The following TRPC6 variants were observed in gnomAD, a reference collection of about 807,000 sequenced individuals.
The protein encoded by TRPC6 is transient receptor potential cation channel subfamily C member 6.
A neutral mutation model predicts 90.7 loss-of-function variants in TRPC6; 55 were observed. That is an observed-to-expected ratio of 0.61 (90% CI 0.49 to 0.76). The LOEUF (loss-of-function observed/expected upper bound fraction) is 0.76, where lower values mean the gene tolerates loss of function less well. Ranked by LOEUF, TRPC6 falls within the 30% of genes least tolerant of loss-of-function variation. The probability of loss-of-function intolerance (pLI) is 0.00; values close to 1 mark genes in which losing one functional copy is unlikely to be tolerated. For synonymous variants in TRPC6, 393 were observed against 393.0 expected (o/e 1.00, Z 0.00); for missense variants, 989 against 1,122.7 (o/e 0.88, Z 1.70).
chr11:101,500,257 G>A (rs1860084819), intron 2 of TRPC6, among the ~76,000 whole-genome samples: 1 of 137,808 alleles, frequency 7.3e-6, no homozygotes, highest in South Asian at 2.2e-4. Flanking sequence ...TGCCCAGACT[G>A]GAGTGCGGTG....
At position 101,583,660 on chromosome 11, in the gene TRPC6, C is replaced by T. The variant is rs1862256959; in HGVS notation, c.-157G>A. 1 of 736,368 alleles carries T rather than the reference C, an allele frequency of 1.4e-6. No individual in the cohort carries two copies. Among genetic ancestry groups the T allele is most frequent in the African/African-American group, 1.9e-5 (1 of 53,460 alleles). The allele number at this position is 736,368 out of a possible 1,614,324, so 45.6% of individuals were successfully genotyped here. A position where few individuals can be genotyped will look rare whatever the true frequency, so the allele number is the denominator to read the frequency against. On this transcript the variant is annotated 5_prime_UTR_variant, in exon 1 of 13. Transcript: ENST00000344327. ...CGGTGAAGCAGGGGGTGCAGACGCCCGCCGCAAGTGGCTCGCCCACTGGCC... is the reference window on the plus strand; with the variant it reads ...CGGTGAAGCAGGGGGTGCAGACGCCTGCCGCAAGTGGCTCGCCCACTGGCC...
At chr11:101,498,446 T>A (rs11224789) in intron 2 of TRPC6, among the ~76,000 whole-genome samples, 71,321 of 151,938 alleles carry the variant, frequency 0.47, 17,237 homozygotes, top group African/African-American at 0.58. Context: ...TGCTGAGGTC[T>A]CGTGTCACCT....
chr11:101,476,356 A>G lies in TRPC6; in HGVS notation c.1689T>C (p.Thr563=). ...ATGTTACTTTCGTCAAGTCCTTCAA[A>G]GTATCATTTGCGTCAATGATGCTCT... ...KAQSIIDAND[T]LKDLTKVTLG... is the part of the protein sequence containing the mutation. Residue 563 remains threonine, a synonymous_variant, in exon 6 of 13, where the codon ACT becomes ACC. Coordinates refer to ENST00000344327, the MANE Select transcript of TRPC6 (RefSeq NM_004621.6). 6.2e-7 allele frequency: 1 copy of G among 1,614,120 alleles called. No homozygotes were observed. The highest frequency in any genetic ancestry group is 8.5e-7 in the Non-Finnish European group (1 of 1,180,000).
Position 101,558,456 on chromosome 11 carries a change from CACAT to C in TRPC6, c.170+24874_170+24877del, listed in dbSNP as rs1215685680. Among the ~76,000 whole-genome samples the C allele has an allele frequency of 8.2e-4, 13 of 15,874 alleles. 1 individual carries two copies. The highest frequency in any genetic ancestry group is 1.9e-3 in the Non-Finnish European group (13 of 6,796). 10.4% of individuals were successfully genotyped at this position (15,874 alleles called of 152,430 possible). On this transcript the variant is annotated intron_variant, in intron 1 of 12. Transcript: ENST00000344327. ...ATATATACATATATATACACACGCA[CACAT>C]ACACACACACACACACACACACACA... is the stretch of plus-strand genomic sequence containing the variant.
chr11:101,555,814 C>G (rs149684341), intron 1 of TRPC6, among the ~76,000 whole-genome samples: 361 of 152,140 alleles, frequency 2.4e-3, no homozygotes, highest in African/African-American at 8.0e-3. Flanking sequence ...ACTTGAAGAA[C>G]AGTGCACACA....
In TRPC6 at chr11:101,583,474, C is replaced by G. The variant is rs1327783855; in HGVS notation, c.30G>C (p.Arg10=). 2 of 1,516,410 alleles carry G rather than the reference C, an allele frequency of 1.3e-6. No homozygotes were observed. Among genetic ancestry groups the G allele is most frequent in the Admixed American group, 2.0e-5 (1 of 48,872 alleles). The allele number at this position is 1,516,410 out of a possible 1,614,324, so 93.9% of individuals were successfully genotyped here. The change falls in exon 1 of 13, where the codon CGG becomes CGC. Residue 10 remains arginine, a synonymous_variant. Coordinates refer to ENST00000344327, the MANE Select transcript of TRPC6 (RefSeq NM_004621.6). The stretch of plus-strand genomic sequence containing the variant: ...CAGCGCCCCGGGGAGAACTGCCCCT[C>G]CGGGGCCCGAACGCCGGGCTCTGGC... MSQSPAFGP[R]RGSSPRGAAG...
chr11:101,467,826 G>A (rs1859186390), intron 10 of TRPC6, among the ~76,000 whole-genome samples: 1 of 152,122 alleles, frequency 6.6e-6, no homozygotes, highest in African/African-American at 2.4e-5. Context: ...AAGACTAAAT[G>A]TGGCCTGAGG....
chr11:101,508,249 G>A (rs746029674), intron 1 of TRPC6, among the ~76,000 whole-genome samples: 2 of 151,892 alleles, frequency 1.3e-5, no homozygotes, highest in African/African-American at 2.4e-5. Flanking sequence ...ATTTTTCCTC[G>A]TATAGCTAGT....
intron 1 of TRPC6, among the ~76,000 whole-genome samples, chr11:101,525,710 G>A (rs1486058756): frequency 6.6e-6 from 1 of 152,216 alleles, no homozygotes; most frequent in Non-Finnish European, 1.5e-5. Flanking sequence ...AAGATGGAGG[G>A]AAAGGGCAGC....
chr11:101,497,140 G>A (rs569422228), intron 2 of TRPC6, among the ~76,000 whole-genome samples: 1 of 152,176 alleles, frequency 6.6e-6, no homozygotes, highest in Non-Finnish European at 1.5e-5. Flanking sequence ...ATATGATCTT[G>A]AAAAGGTTAT....
At chr11:101,527,387 C>G (rs1370978816) in intron 1 of TRPC6, among the ~76,000 whole-genome samples, 1 of 152,104 alleles carries the variant, frequency 6.6e-6, no homozygotes, top group African/African-American at 2.4e-5. Flanking sequence ...TGAAGCAAGT[C>G]TTTTGCTTGA....
In TRPC6 at chr11:101,461,005, G is replaced by T. The variant is rs574628809; in HGVS notation, c.2485-5904C>A. On this transcript the variant is annotated intron_variant, in intron 10 of 12. Coordinates refer to ENST00000344327, the MANE Select transcript of TRPC6 (RefSeq NM_004621.6). ...TGTCACCCCTTTCTTTTTCCTTTAA[G>T]CATTTCAATATTTAAAATACATAGA... is the stretch of plus-strand genomic sequence containing the variant. 4.1e-4 allele frequency among the ~76,000 whole-genome samples: 63 copies of T among 152,050 alleles called. No individual in the cohort carries two copies. The South Asian group carries it at 0.013, about 31-fold the overall frequency.
At chr11:101,511,796 G>A (rs760229105) in intron 1 of TRPC6, among the ~76,000 whole-genome samples, 3 of 151,816 alleles carry the variant, frequency 2.0e-5, no homozygotes, top group Admixed American at 6.6e-5. Context: ...GTTTGAGATC[G>A]GCCTGGCCAA....
At chr11:101,507,778 G>A (rs61287905) in intron 1 of TRPC6, among the ~76,000 whole-genome samples, 2 of 152,068 alleles carry the variant, frequency 1.3e-5, no homozygotes, top group African/African-American at 2.4e-5. Flanking sequence ...GTTTATTGAA[G>A]GGAGTCTCTT....
At chr11:101,560,270 A>G (rs1182911440) in intron 1 of TRPC6, among the ~76,000 whole-genome samples, 1 of 151,584 alleles carries the variant, frequency 6.6e-6, no homozygotes, top group African/African-American at 2.4e-5. Context: ...AACACTTCAC[A>G]TATAAAACCT....
intron 10 of TRPC6, among the ~76,000 whole-genome samples, chr11:101,466,959 T>C (rs1355715688): frequency 7.2e-6 from 1 of 139,150 alleles, no homozygotes; most frequent in Non-Finnish European, 1.5e-5. Context: ...CCTCATGGCT[T>C]CCCTTGGGTG....
intron 7 of TRPC6, 66 bp from the exon 8 acceptor site, chr11:101,472,398 A>G (rs914271948): frequency 8.8e-6 from 13 of 1,478,496 alleles, no homozygotes; most frequent in Admixed American, 2.0e-5. Flanking sequence ...TATTACCATA[A>G]TAAAAGTGAG....
rs1356769920 is a variant in TRPC6, at chr11:101,583,622, G to A, written c.-119C>T. Reference sequence around the variant, plus strand: ...CCGAACTGGACCTGGGCAGACCGGTGCCCAGGGGACGACGGTGAAGCAGGG... The same window carrying A: ...CCGAACTGGACCTGGGCAGACCGGTACCCAGGGGACGACGGTGAAGCAGGG... On this transcript the variant is annotated 5_prime_UTR_variant, in exon 1 of 13. Transcript: ENST00000344327. The A allele has an allele frequency of 2.6e-6, 3 of 1,162,206 alleles. No homozygotes were observed. The highest frequency in any genetic ancestry group is 1.1e-6 in the Non-Finnish European group (1 of 881,652). 72.0% of individuals were successfully genotyped at this position (1,162,206 alleles called of 1,614,324 possible).
chr11:101,573,786 G>A (rs1420284472), intron 1 of TRPC6, among the ~76,000 whole-genome samples: 3 of 151,950 alleles, frequency 2.0e-5, no homozygotes, highest in South Asian at 2.1e-4. Context: ...AGTCATTACC[G>A]TGACATAGTT....
Sources: gnomAD v4.1 joint callset for allele counts (sites outside exome capture counted in the v4.1 genomes callset) on GRCh38, gnomAD v4.1.1 for gene constraint, MANE v1.5 for transcripts, NCBI Gene and HGNC (gene_info 2026-07-23, HGNC 2026-07-21) for gene names.